The following CFAP157 variants were observed in gnomAD, a reference collection of about 807,000 sequenced individuals.
CFAP157 encodes the protein cilia and flagella associated protein 157.
A neutral mutation model predicts 57.8 loss-of-function variants in CFAP157; 43 were observed. The observed-to-expected ratio is 0.74, with a 90% CI of 0.58 to 0.96. The LOEUF (loss-of-function observed/expected upper bound fraction) is 0.96, where lower values mean the gene tolerates loss of function less well. Among genes scored for constraint, CFAP157 ranks in the 40% least tolerant of loss-of-function variants. CFAP157 has a pLI of 0.00. For missense variants in CFAP157, 606 were observed against 655.3 expected (o/e 0.92, Z 0.82); for synonymous variants, 267 against 269.0 (o/e 0.99, Z 0.07).
chr9:127,711,354 T>A lies in CFAP157; in HGVS notation c.713T>A (p.Met238Lys). ...GAGAACAACGGCATTACCCTGCAGA[T>A]GGCCAGGGTCTCCCAGCAAGGCATG... is the stretch of plus-strand genomic sequence containing the variant. ...IKENNGITLQ[M>K]ARVSQQGMKL... is the part of the protein sequence containing the mutation. Residue 238 changes from methionine to lysine, a missense_variant, in exon 4 of 9, where the codon ATG becomes AAG. Coordinates refer to ENST00000373295, the MANE Select transcript of CFAP157 (RefSeq NM_001012502.3). 6.2e-7 allele frequency: 1 copy of A among 1,614,170 alleles called. No individual in the cohort carries two copies. The highest frequency in any genetic ancestry group is 1.6e-4 in the Middle Eastern group (1 of 6,062).
intron 1 of CFAP157, among the ~76,000 whole-genome samples, chr9:127,708,698 G>A (rs1842700287): frequency 6.6e-6 from 1 of 152,208 alleles, no homozygotes; most frequent in African/African-American, 2.4e-5. Flanking sequence ...TGGGAATACA[G>A]AGGTGGAGGA....
At position 127,715,202 on chromosome 9, in the gene CFAP157, C is replaced by A; in HGVS notation, c.*1297C>A. 6.6e-7 allele frequency: 1 copy of A among 1,524,874 alleles called. No homozygotes were observed. The highest frequency in any genetic ancestry group is 8.8e-7 in the Non-Finnish European group (1 of 1,139,658). 94.5% of individuals were successfully genotyped at this position (1,524,874 alleles called of 1,614,324 possible). A position where few individuals can be genotyped will look rare whatever the true frequency, so the allele number is the denominator to read the frequency against. On this transcript the variant is annotated 3_prime_UTR_variant, in exon 9 of 9. Transcript: ENST00000373295. This position sits in a 1 kb window ranked among gnomAD's most constrained non-coding sequence, Gnocchi z 5.8. ...ATTCCCCAGGCCAGCCACCTGCGGG[C>A]GGCACCAGGGAAACTGAGGCCCAAC...
intron 1 of CFAP157, among the ~76,000 whole-genome samples, chr9:127,708,119 C>A (rs79213699): frequency 1.3e-5 from 2 of 152,200 alleles, no homozygotes; most frequent in South Asian, 4.1e-4. Context: ...CCTCAGCCCC[C>A]ACCCCTGAAA....
chr9:127,710,043 C>A (rs550670971), intron 2 of CFAP157, among the ~76,000 whole-genome samples: 4 of 152,098 alleles, frequency 2.6e-5, no homozygotes, highest in Admixed American at 6.6e-5. Context: ...GAGGCCAAGG[C>A]GGGAGGATTG....
At chr9:127,712,024 C>A in intron 5 of CFAP157, 74 bp downstream of exon 5, 1 of 1,539,660 alleles carries the variant, frequency 6.5e-7, no homozygotes. Context: ...CTTTCCGATC[C>A]CACGACCCAG....
chr9:127,715,975 C>G lies in CFAP157; in HGVS notation c.*2070C>G, dbSNP rs765141180. On this transcript the variant is annotated 3_prime_UTR_variant, in exon 9 of 9. Transcript: ENST00000373295. The surrounding 1 kb of genome is among the most constrained non-coding windows in gnomAD (Gnocchi z 5.8). ...CTTTCCCCGCTGTAGGCCTCAACCT[C>G]TCCAGCTAATAAAAGTTTTCTACCT... 4.1e-6 allele frequency: 4 copies of G among 969,778 alleles called. No individual in the cohort carries two copies. The highest frequency in any genetic ancestry group is 6.3e-6 in the Non-Finnish European group (4 of 637,076). The allele number at this position is 969,778 out of a possible 1,614,324, so 60.1% of individuals were successfully genotyped here.
intron 2 of CFAP157, among the ~76,000 whole-genome samples, chr9:127,710,298 A>C (rs1422197769): frequency 6.6e-6 from 1 of 151,956 alleles, no homozygotes; most frequent in African/African-American, 2.4e-5. Context: ...AAAAAAAAAA[A>C]ACAAAACAGT....
At chr9:127,712,655 A>G in intron 6 of CFAP157, 54 bp from the exon 7 acceptor site, 1 of 1,613,668 alleles carries the variant, frequency 6.2e-7, no homozygotes, top group South Asian at 1.1e-5. Context: ...TTCCTGGACG[A>G]GGGTGGGTAC....
At position 127,714,234 on chromosome 9, in the gene CFAP157, C is replaced by T. The variant is rs1588399044; in HGVS notation, c.*329C>T. ...CAGCCCAGCACATGGGCCTGAACCG[C>T]CTCAGGGTGCGCCGGGCGCCCGATA... On this transcript the variant is annotated 3_prime_UTR_variant, in exon 9 of 9. Coordinates refer to ENST00000373295, the MANE Select transcript of CFAP157 (RefSeq NM_001012502.3). 2 of 1,614,000 alleles carry T rather than the reference C, an allele frequency of 1.2e-6. No individual in the cohort carries two copies. Among genetic ancestry groups the T allele is most frequent in the Non-Finnish European group, 1.7e-6 (2 of 1,180,012 alleles).
Position 127,711,244 on chromosome 9 carries a change from C to G in CFAP157, c.603C>G (p.Ile201Met), listed in dbSNP as rs755719395. Residue 201 changes from isoleucine (I) to methionine (M), a missense_variant, in exon 4 of 9, where the codon ATC becomes ATG. Coordinates refer to ENST00000373295, the MANE Select transcript of CFAP157 (RefSeq NM_001012502.3). Reference sequence around the variant, plus strand: ...TTCTGGCCAGACTGAGGAAAGAGATCATCCAGCGCGTGAACCTCGTGGCCA... The same window carrying G: ...TTCTGGCCAGACTGAGGAAAGAGATGATCCAGCGCGTGAACCTCGTGGCCA... The part of the protein sequence containing the change: ...VLDKDRLRKE[I>M]IQRVNLVANE... 1 of 1,613,868 alleles carries G rather than the reference C, an allele frequency of 6.2e-7. No individual in the cohort carries two copies. Among genetic ancestry groups the G allele is most frequent in the Non-Finnish European group, 8.5e-7 (1 of 1,179,928 alleles).
At chr9:127,711,758 G>A in intron 4 of CFAP157, 62 bp from the exon 5 acceptor site, 2 of 1,523,102 alleles carry the variant, frequency 1.3e-6, no homozygotes, top group Non-Finnish European at 1.8e-6. Context: ...GGGAGGCCTG[G>A]CTGTGTCTGC....
At position 127,715,757 on chromosome 9, in the gene CFAP157, G is replaced by A; in HGVS notation, c.*1852G>A. On this transcript the variant is annotated 3_prime_UTR_variant, in exon 9 of 9. Transcript: ENST00000373295. The surrounding 1 kb of genome is among the most constrained non-coding windows in gnomAD (Gnocchi z 5.8). The stretch of plus-strand genomic sequence containing the variant: ...CCAATCCGGGCCGGGCTACGTGGCC[G>A]CCATGCTTCTGAGGGGCGGAAGCGG... 6.5e-7 allele frequency: 1 copy of A among 1,526,760 alleles called. No individual in the cohort carries two copies. The highest frequency in any genetic ancestry group is 8.8e-7 in the Non-Finnish European group (1 of 1,141,378). 94.6% of individuals were successfully genotyped at this position (1,526,760 alleles called of 1,614,324 possible). A position where few individuals can be genotyped will look rare whatever the true frequency, so the allele number is the denominator to read the frequency against.
In CFAP157 at chr9:127,714,982, G is replaced by C; in HGVS notation, c.*1077G>C. On this transcript the variant is annotated 3_prime_UTR_variant, in exon 9 of 9. Coordinates refer to ENST00000373295, the MANE Select transcript of CFAP157 (RefSeq NM_001012502.3). Reference sequence around the variant, plus strand: ...CTGGCGCTCTCAACTCACCAGCCCGGGCCACGCTGCGCCCGTTGGCGTTCA... The same window carrying C: ...CTGGCGCTCTCAACTCACCAGCCCGCGCCACGCTGCGCCCGTTGGCGTTCA... 1 of 821,972 alleles carries C rather than the reference G, an allele frequency of 1.2e-6. No individual in the cohort carries two copies. The highest frequency in any genetic ancestry group is 1.6e-6 in the Non-Finnish European group (1 of 628,294). 50.9% of individuals were successfully genotyped at this position (821,972 alleles called of 1,614,324 possible). A position where few individuals can be genotyped will look rare whatever the true frequency, so the allele number is the denominator to read the frequency against.
Position 127,713,897 on chromosome 9 carries a change from C to G in CFAP157, c.1555C>G (p.Pro519Ala). ...KFSLPEVPLR[P>A]K Reference sequence around the variant, plus strand: ...TAGTCTTCCTGAAGTTCCCCTACGTCCCAAGTAGGACACAGAGAGAAGAAC... The same window carrying G: ...TAGTCTTCCTGAAGTTCCCCTACGTGCCAAGTAGGACACAGAGAGAAGAAC... The change falls in exon 9 of 9, where the codon CCC becomes GCC. Residue 519 changes from proline to alanine, a missense_variant. Physicochemically the swap from Pro to Ala is conservative, Grantham distance 27. Coordinates refer to ENST00000373295, the MANE Select transcript of CFAP157 (RefSeq NM_001012502.3). 6.2e-7 allele frequency: 1 copy of G among 1,613,454 alleles called. No individual in the cohort carries two copies. Among genetic ancestry groups the G allele is most frequent in the Non-Finnish European group, 8.5e-7 (1 of 1,179,518 alleles).
Position 127,711,876 on chromosome 9 carries a change from C to G in CFAP157, c.912C>G (p.Ala304=). 1.3e-6 allele frequency: 2 copies of G among 1,589,206 alleles called. No individual in the cohort carries two copies. Among genetic ancestry groups the G allele is most frequent in the South Asian group, 2.3e-5 (2 of 87,084 alleles). Residue 304 remains alanine (A), a synonymous_variant, in exon 5 of 9, where the codon GCC becomes GCG. Coordinates refer to ENST00000373295, the MANE Select transcript of CFAP157 (RefSeq NM_001012502.3). ...AGCAGCAGCAGGACACCAAGGAGGCCGAGGAGCTGCGCCTCCTGCTGAGCC... is the reference window on the plus strand; with the variant it reads ...AGCAGCAGCAGGACACCAAGGAGGCGGAGGAGCTGCGCCTCCTGCTGAGCC... ...CQEQQQDTKE[A]EELRLLLSQL... is the part of the protein sequence containing the mutation.
intron 1 of CFAP157, among the ~76,000 whole-genome samples, chr9:127,708,640 G>T (rs1564364788): frequency 6.6e-6 from 1 of 152,146 alleles, no homozygotes; most frequent in South Asian, 2.1e-4. Flanking sequence ...TATATTCAAG[G>T]CAAATGTATT....
At chr9:127,712,177 A>C in intron 5 of CFAP157, 22 bp from the exon 6 acceptor site, 1 of 1,612,962 alleles carries the variant, frequency 6.2e-7, no homozygotes, top group Non-Finnish European at 8.5e-7. Context: ...AAGGCTGTTG[A>C]CTCATCCCAG....
In CFAP157 at chr9:127,715,984, A is replaced by T; in HGVS notation, c.*2079A>T. The T allele has an allele frequency of 9.6e-7, 1 of 1,045,616 alleles. No homozygotes were observed. 64.8% of individuals were successfully genotyped at this position (1,045,616 alleles called of 1,614,324 possible). A position where few individuals can be genotyped will look rare whatever the true frequency, so the allele number is the denominator to read the frequency against. The stretch of plus-strand genomic sequence containing the variant: ...CTGTAGGCCTCAACCTCTCCAGCTA[A>T]TAAAAGTTTTCTACCTCCCTCCGGC... On this transcript the variant is annotated 3_prime_UTR_variant, in exon 9 of 9. Transcript: ENST00000373295. This position sits in a 1 kb window ranked among gnomAD's most constrained non-coding sequence, Gnocchi z 5.8.
Position 127,709,749 on chromosome 9 carries a change from A to C in CFAP157, c.433+56A>C. On this transcript the variant is annotated intron_variant, in intron 2 of 8. Coordinates refer to ENST00000373295, the MANE Select transcript of CFAP157 (RefSeq NM_001012502.3). This position sits in a 1 kb window ranked among gnomAD's most constrained non-coding sequence, Gnocchi z 4.7. ...GGCACACATCCCAGCTCTATCACTG[A>C]CCCTGTTTCTCACCTGGGAAACAGG... 6.4e-7 allele frequency: 1 copy of C among 1,556,882 alleles called. No individual in the cohort carries two copies. Among genetic ancestry groups the C allele is most frequent in the South Asian group, 1.2e-5 (1 of 85,570 alleles).
Sources: gnomAD v4.1 joint callset for allele counts (sites outside exome capture counted in the v4.1 genomes callset) on GRCh38, gnomAD v4.1.1 for gene constraint, Gnocchi (gnomAD v3.1) non-coding constraint, MANE v1.5 for transcripts, NCBI Gene and HGNC (gene_info 2026-07-23, HGNC 2026-07-21) for gene names.